The following RBMS1 variants were observed in gnomAD, a reference collection of about 807,000 sequenced individuals.
RBMS1 encodes RNA-binding motif, single-stranded-interacting protein 1.
RBMS1 carries 17 observed loss-of-function variants against 62.3 expected under a neutral mutation model. The observed-to-expected ratio is 0.27, with a 90% CI of 0.19 to 0.41. RBMS1 has a LOEUF of 0.41. Ranked by LOEUF, RBMS1 falls within the 10% of genes least tolerant of loss-of-function variation. RBMS1 has a pLI of 1.00. For synonymous variants in RBMS1, 172 were observed against 170.0 expected (o/e 1.01, Z -0.09); for missense variants, 334 against 504.5 (o/e 0.66, Z 3.24).
chr2:160,386,540 CAAAA>C (rs60611251), intron 1 of RBMS1, among the ~76,000 whole-genome samples: 2 of 138,334 alleles, frequency 1.4e-5, no homozygotes, highest in Non-Finnish European at 3.1e-5. Flanking sequence ...GACTCCATCT[CAAAA>C]AAAAAAAAAA....
chr2:160,348,990 T>C (rs1338165865), intron 2 of RBMS1, among the ~76,000 whole-genome samples: 6 of 152,086 alleles, frequency 3.9e-5, no homozygotes, highest in Non-Finnish European at 8.8e-5. Context: ...TTCCAGGACC[T>C]TAGAAAGATG....
intron 2 of RBMS1, among the ~76,000 whole-genome samples, chr2:160,341,905 T>G (rs769530924): frequency 5.3e-5 from 8 of 152,216 alleles, no homozygotes; most frequent in Non-Finnish European, 1.0e-4. Flanking sequence ...CATTTATGAC[T>G]AAAATTTCGT....
intron 2 of RBMS1, among the ~76,000 whole-genome samples, chr2:160,365,919 A>G (rs1268335217): frequency 6.6e-6 from 1 of 152,244 alleles, no homozygotes; most frequent in Admixed American, 6.5e-5. Flanking sequence ...CTCTGCCTCC[A>G]GCCAGCAATG....
intron 2 of RBMS1, among the ~76,000 whole-genome samples, chr2:160,366,179 C>T (rs538729641): frequency 6.6e-6 from 1 of 152,284 alleles, no homozygotes; most frequent in African/African-American, 2.4e-5. Context: ...ATCACTCCTT[C>T]CCCCACCCAT....
chr2:160,287,920 A>G lies in RBMS1; in HGVS notation c.641-836T>C, dbSNP rs6713174. ...TAGATCTGTATATTATTACTATATT[A>G]CTTATAATATATATTACTATATACC... On this transcript the variant is annotated intron_variant, in intron 6 of 13. Transcript: ENST00000348849. 5.5e-3 allele frequency among the ~76,000 whole-genome samples: 820 copies of G among 150,426 alleles called. 9 individuals carry two copies. Among genetic ancestry groups the G allele is most frequent in the African/African-American group, 0.017 (699 of 41,210 alleles).
At chr2:160,292,706 T>C (rs1166613298) in intron 6 of RBMS1, among the ~76,000 whole-genome samples, 1 of 152,208 alleles carries the variant, frequency 6.6e-6, no homozygotes, top group Non-Finnish European at 1.5e-5. Flanking sequence ...TGGCAGAACC[T>C]GATCGTGAAA....
intron 1 of RBMS1, among the ~76,000 whole-genome samples, chr2:160,465,787 A>C (rs1267174872): frequency 6.6e-6 from 1 of 151,944 alleles, no homozygotes; most frequent in African/African-American, 2.4e-5. Context: ...TGATCAAGAA[A>C]CAGGCAACAA....
At chr2:160,409,332 A>T (rs1192523632) in intron 1 of RBMS1, among the ~76,000 whole-genome samples, 1 of 152,136 alleles carries the variant, frequency 6.6e-6, no homozygotes, top group Admixed American at 6.5e-5. Context: ...CTAGGTGCAC[A>T]ATGGACGAGT....
At chr2:160,336,210 T>G (rs57150185) in intron 2 of RBMS1, among the ~76,000 whole-genome samples, 1 of 152,180 alleles carries the variant, frequency 6.6e-6, no homozygotes, top group Non-Finnish European at 1.5e-5. Flanking sequence ...AGAGTGCAGT[T>G]TGGCAATCTG....
intron 1 of RBMS1, among the ~76,000 whole-genome samples, chr2:160,388,281 C>T (rs1372978358): frequency 6.6e-6 from 1 of 152,200 alleles, no homozygotes; most frequent in Non-Finnish European, 1.5e-5. Context: ...ATAATTCACC[C>T]AGTGGTCCTT....
At chr2:160,467,551 A>AC (rs2105339840) in intron 1 of RBMS1, among the ~76,000 whole-genome samples, 1 of 152,330 alleles carries the variant, frequency 6.6e-6, no homozygotes, top group South Asian at 2.1e-4. Context: ...TGAGAGCACC[A>AC]CAACCATCTT....
intron 1 of RBMS1, among the ~76,000 whole-genome samples, chr2:160,448,248 CCTGA>C (rs1017941609): frequency 1.3e-5 from 2 of 152,022 alleles, no homozygotes; most frequent in Non-Finnish European, 2.9e-5. Flanking sequence ...GTAGAAATCA[CCTGA>C]CTACTTGGGG....
At chr2:160,406,465 T>C (rs981023747) in intron 1 of RBMS1, among the ~76,000 whole-genome samples, 4 of 152,242 alleles carry the variant, frequency 2.6e-5, no homozygotes, top group African/African-American at 9.6e-5. Flanking sequence ...CTTTTTGGGA[T>C]AATAACTTAA....
At chr2:160,299,063 T>C (rs930763146) in intron 6 of RBMS1, among the ~76,000 whole-genome samples, 4 of 152,182 alleles carry the variant, frequency 2.6e-5, no homozygotes, top group Admixed American at 1.3e-4. Flanking sequence ...AAATTTCTAT[T>C]GTTTAAGCCA....
At chr2:160,466,399 G>GA (rs997876097) in intron 1 of RBMS1, among the ~76,000 whole-genome samples, 1 of 151,964 alleles carries the variant, frequency 6.6e-6, no homozygotes, top group South Asian at 2.1e-4. Flanking sequence ...AGTTAAAGAG[G>GA]AAAAAACCCT....
intron 1 of RBMS1, among the ~76,000 whole-genome samples, chr2:160,388,742 C>T (rs1246320214): frequency 6.6e-6 from 1 of 152,240 alleles, no homozygotes. Flanking sequence ...TTCCGGTTCC[C>T]TGAACTGACA....
At chr2:160,285,065 T>G in intron 7 of RBMS1, 21 bp from the exon 8 acceptor site, 2 of 1,604,018 alleles carry the variant, frequency 1.2e-6, no homozygotes, top group Non-Finnish European at 8.5e-7. Flanking sequence ...GAGAAAGAAA[T>G]ATAAACATTC....
intron 1 of RBMS1, among the ~76,000 whole-genome samples, chr2:160,382,600 C>T (rs1306534625): frequency 1.3e-5 from 2 of 152,156 alleles, no homozygotes; most frequent in Admixed American, 1.3e-4. Context: ...ATCCTCCTGC[C>T]TTTGGTAATG....
chr2:160,311,221 T>C (rs1689846668), intron 4 of RBMS1, among the ~76,000 whole-genome samples: 1 of 45,142 alleles, frequency 2.2e-5, no homozygotes, highest in Non-Finnish European at 4.9e-5. Flanking sequence ...TCTATCTATC[T>C]ATCTATCTAT....
Sources: allele counts gnomAD v4.1 joint callset (sites outside exome capture counted in the v4.1 genomes callset), GRCh38; gene constraint gnomAD v4.1.1; transcripts MANE v1.5; gene names NCBI Gene and HGNC (gene_info 2026-07-23, HGNC 2026-07-21).